Variants in CELSR1 observed in about 807,000 individuals in gnomAD.
CELSR1 encodes the protein adhesion G protein-coupled receptor C1.
Under a neutral mutation model 249.1 loss-of-function variants are expected in CELSR1, and 110 were observed. The ratio of observed to expected loss-of-function variants is 0.44; its 90% CI spans 0.38 to 0.52. CELSR1 has a LOEUF of 0.52. CELSR1 is among the 20% of genes least tolerant of loss of function. The pLI is 0.00. For synonymous variants in CELSR1, 2,113 were observed against 1,900.0 expected (o/e 1.11, Z -2.92); for missense variants, 4,109 against 4,296.4 (o/e 0.96, Z 1.22).
In CELSR1 at chr22:46,390,015, A is replaced by T. The variant is rs1053984609; in HGVS notation, c.6345+377T>A. The stretch of plus-strand genomic sequence containing the variant: ...CACTGCTGACAGCTAGACCATGGAA[A>T]CGAGGGTCTGGTGGGCCAAAGAGGG... On this transcript the variant is annotated intron_variant, in intron 17 of 34. Transcript: ENST00000674500. The surrounding 1 kb of genome is among the most constrained non-coding windows in gnomAD (Gnocchi z 6.3). 6.6e-6 allele frequency among the ~76,000 whole-genome samples: 1 copy of T among 152,220 alleles called. No individual in the cohort carries two copies. Among genetic ancestry groups the T allele is most frequent in the Admixed American group, 6.5e-5 (1 of 15,282 alleles).
chr22:46,365,723 T>C (rs2078762477), intron 30 of CELSR1, 34 bp from the exon 31 acceptor site: 1 of 1,509,854 alleles, frequency 6.6e-7, no homozygotes, highest in Middle Eastern at 1.7e-4. Context: ...CTCAGTATCA[T>C]CCGTCAGGGA....
Position 46,386,522 on chromosome 22 carries a change from G to C in CELSR1, c.6619C>G (p.Gln2207Glu), listed in dbSNP as rs752153546. 6.3e-7 allele frequency: 1 copy of C among 1,598,094 alleles called. No homozygotes were observed. Among genetic ancestry groups the C allele is most frequent in the Non-Finnish European group, 8.5e-7 (1 of 1,173,542 alleles). ...PATRAAWEQI[Q>E]RSEGGTAQLL... ...TGTGCCGTGCCGCCCTCGCTCCGCT[G>C]GATCTGCTCCCACGCCGCCCTGGTG... Residue 2207 changes from glutamine (Q) to glutamate (E), a missense_variant, in exon 19 of 35, where the codon CAG (glutamine) becomes GAG (glutamate). By Grantham distance (29) the Gln-to-Glu change is conservative (BLOSUM62 2). Coordinates refer to ENST00000674500, the MANE Select transcript of CELSR1 (RefSeq NM_001378328.1).
intron 1 of CELSR1, among the ~76,000 whole-genome samples, chr22:46,467,368 C>T (rs2080107757): frequency 2.0e-5 from 3 of 152,068 alleles, no homozygotes; most frequent in Non-Finnish European, 4.4e-5. Flanking sequence ...ATGCACAACC[C>T]AATTAGAGAA....
intron 24 of CELSR1, 111 bp from the exon 25 acceptor site, chr22:46,373,168 T>G: frequency 8.6e-7 from 1 of 1,167,316 alleles, no homozygotes; most frequent in Non-Finnish European, 1.2e-6. Flanking sequence ...CCACCCTATG[T>G]GTCTGTCCTC....
In CELSR1 at chr22:46,535,069, G is replaced by A. The variant is rs931619079; in HGVS notation, c.2102C>T (p.Ala701Val). The A allele has an allele frequency of 6.2e-7, 1 of 1,612,448 alleles. No homozygotes were observed. Among genetic ancestry groups the A allele is most frequent in the Non-Finnish European group, 8.5e-7 (1 of 1,179,974 alleles). The change falls in exon 1 of 35, where the codon GCC becomes GTC. Residue 701 changes from alanine to valine, a missense_variant. Coordinates refer to ENST00000674500, the MANE Select transcript of CELSR1 (RefSeq NM_001378328.1). ...TYELRLNEDA[A>V]VGSSVLTLQA... is the part of the protein sequence containing the mutation. ...CAGGGTCAGCACGCTGCTCCCCACG[G>A]CCGCATCCTCATTCAGACGAAGCTC...
Position 46,361,412 on chromosome 22 carries a change from G to A in CELSR1, c.*1811C>T, listed in dbSNP as rs1363540578. ...TCGTGATGTTGGCTGTGGAGTACGTGGAAAAAAATAGAACAAAAAAATTAC... is the reference window on the plus strand; with the variant it reads ...TCGTGATGTTGGCTGTGGAGTACGTAGAAAAAAATAGAACAAAAAAATTAC... On this transcript the variant is annotated 3_prime_UTR_variant, in exon 35 of 35. Coordinates refer to ENST00000674500, the MANE Select transcript of CELSR1 (RefSeq NM_001378328.1). The A allele has an allele frequency of 6.6e-6, 1 of 152,106 alleles. No homozygotes were observed. The highest frequency in any genetic ancestry group is 1.9e-4 in the East Asian group (1 of 5,192). The allele number at this position is 152,106 out of a possible 1,614,324, so 9.4% of individuals were successfully genotyped here. A position where few individuals can be genotyped will look rare whatever the true frequency, so the allele number is the denominator to read the frequency against.
intron 18 of CELSR1, among the ~76,000 whole-genome samples, chr22:46,387,841 T>C (rs1294703884): frequency 6.6e-6 from 1 of 152,070 alleles, no homozygotes; most frequent in Non-Finnish European, 1.5e-5. Context: ...CCCCTGGTTA[T>C]TACATCAGAA....
intron 1 of CELSR1, among the ~76,000 whole-genome samples, chr22:46,519,520 C>G (rs1314712301): frequency 6.6e-6 from 1 of 152,226 alleles, no homozygotes; most frequent in East Asian, 1.9e-4. Flanking sequence ...CAGCCGCCCA[C>G]TACAGCTCAC....
intron 25 of CELSR1, among the ~76,000 whole-genome samples, chr22:46,371,654 C>T (rs1199816624): frequency 4.6e-5 from 7 of 151,466 alleles, no homozygotes; most frequent in Non-Finnish European, 1.5e-5. Context: ...CATCCACCCA[C>T]TCATCTCTCC....
chr22:46,484,724 G>A lies in CELSR1; in HGVS notation c.3545-20379C>T, dbSNP rs532708513. On this transcript the variant is annotated intron_variant, in intron 1 of 34. Transcript: ENST00000674500. The surrounding 1 kb of genome is among the most constrained non-coding windows in gnomAD (Gnocchi z 4.5). Reference sequence around the variant, plus strand: ...TGGAGTGAGCGCTCACAGGGACCCCGCCCAGGTGCTGGGGAGGTCCGGCTG... The same window carrying A: ...TGGAGTGAGCGCTCACAGGGACCCCACCCAGGTGCTGGGGAGGTCCGGCTG... 7.2e-6 allele frequency among the ~76,000 whole-genome samples: 1 copy of A among 139,606 alleles called. No individual in the cohort carries two copies. Among genetic ancestry groups the A allele is most frequent in the Non-Finnish European group, 1.5e-5 (1 of 65,008 alleles). 91.6% of individuals were successfully genotyped at this position (139,606 alleles called of 152,430 possible).
chr22:46,381,066 G>A lies in CELSR1; in HGVS notation c.7089-111C>T, dbSNP rs186245706. On this transcript the variant is annotated intron_variant, in intron 21 of 34. Transcript: ENST00000674500. The surrounding 1 kb of genome is among the most constrained non-coding windows in gnomAD (Gnocchi z 6.0). ...CCATGATGTGTTTCTAGGGGAGACA[G>A]AATCACACTCCGAGAGCTCGGACCC... The A allele has an allele frequency of 9.3e-6, 11 of 1,184,990 alleles. No individual in the cohort carries two copies. The highest frequency in any genetic ancestry group is 9.2e-5 in the African/African-American group (6 of 65,416). The allele number at this position is 1,184,990 out of a possible 1,614,324, so 73.4% of individuals were successfully genotyped here.
rs750431500 is a variant in CELSR1, at chr22:46,366,531, C to A, written c.8206-51G>T. On this transcript the variant is annotated intron_variant, in intron 29 of 34. Transcript: ENST00000674500. Reference sequence around the variant, plus strand: ...CTGCCAAGTGGTGGCCACCACATGACCACCACGGGGAATGACTCTGTCCCC... The same window carrying A: ...CTGCCAAGTGGTGGCCACCACATGAACACCACGGGGAATGACTCTGTCCCC... The A allele has an allele frequency of 3.6e-6, 5 of 1,382,076 alleles. No homozygotes were observed. The African/African-American group carries it at 5.8e-5, about 16-fold the overall frequency. The allele number at this position is 1,382,076 out of a possible 1,614,324, so 85.6% of individuals were successfully genotyped here.
chr22:46,368,058 C>T (rs572602519), intron 27 of CELSR1, among the ~76,000 whole-genome samples: 8 of 152,270 alleles, frequency 5.3e-5, no homozygotes, highest in East Asian at 1.9e-4. Context: ...AGACAGAGCT[C>T]GTGTTAGTGG....
Position 46,401,533 on chromosome 22 carries a change from TCA to T in CELSR1, c.5227-1633_5227-1632del, listed in dbSNP as rs1260407316. On this transcript the variant is annotated intron_variant, in intron 9 of 34. Coordinates refer to ENST00000674500, the MANE Select transcript of CELSR1 (RefSeq NM_001378328.1). The surrounding 1 kb of genome is among the most constrained non-coding windows in gnomAD (Gnocchi z 4.7). Reference sequence around the variant, plus strand: ...GACACAGTGGAGGCTGAGCGTGCAGTCAGGTCACGGCTGCCAGGTACCTGAAA... The same window carrying T: ...GACACAGTGGAGGCTGAGCGTGCAGTGGTCACGGCTGCCAGGTACCTGAAA... 1.3e-5 allele frequency among the ~76,000 whole-genome samples: 2 copies of T among 152,130 alleles called. No individual in the cohort carries two copies. The highest frequency in any genetic ancestry group is 2.9e-5 in the Non-Finnish European group (2 of 68,006).
rs1441121132 is a variant in CELSR1, at chr22:46,380,748, T to C, written c.7256+40A>G. On this transcript the variant is annotated intron_variant, in intron 22 of 34. Coordinates refer to ENST00000674500, the MANE Select transcript of CELSR1 (RefSeq NM_001378328.1). The surrounding 1 kb of genome is among the most constrained non-coding windows in gnomAD (Gnocchi z 5.1). ...CCGACCCTGCGGGGGCACTCTGCCT[T>C]GGCAAAGCCCTCACATGGGGCTCCT... The C allele has an allele frequency of 1.3e-6, 2 of 1,599,852 alleles. No individual in the cohort carries two copies. The highest frequency in any genetic ancestry group is 2.2e-5 in the East Asian group (1 of 44,632).
chr22:46,384,006 C>G (rs1183500968), intron 20 of CELSR1, among the ~76,000 whole-genome samples: 1 of 152,028 alleles, frequency 6.6e-6, no homozygotes, highest in African/African-American at 2.4e-5. Context: ...CATATCTCGG[C>G]TCACTACAAC....
intron 1 of CELSR1, among the ~76,000 whole-genome samples, chr22:46,508,547 C>T (rs964679594): frequency 2.0e-5 from 3 of 151,560 alleles, no homozygotes; most frequent in East Asian, 3.9e-4. Context: ...CAAAGGGCCT[C>T]ACTTACTTGC....
In CELSR1 at chr22:46,433,257, G is replaced by C; in HGVS notation, c.4611+136C>G. 5.0e-6 allele frequency: 3 copies of C among 600,740 alleles called. No homozygotes were observed. The highest frequency in any genetic ancestry group is 4.1e-4 in the Middle Eastern group (1 of 2,446). 37.2% of individuals were successfully genotyped at this position (600,740 alleles called of 1,614,324 possible). On this transcript the variant is annotated intron_variant, in intron 5 of 34. Transcript: ENST00000674500. This position sits in a 1 kb window ranked among gnomAD's most constrained non-coding sequence, Gnocchi z 5.7. ...GCCACGTTGGCCAAGCTGGTCTCGA[G>C]CTCCTGACCTCAGGTAATCCACCTG...
intron 1 of CELSR1, among the ~76,000 whole-genome samples, chr22:46,509,188 C>A (rs2080547102): frequency 6.6e-6 from 1 of 152,154 alleles, no homozygotes; most frequent in Admixed American, 6.5e-5. Context: ...TAGAGAGTCC[C>A]CAAGATGGCC....
Sources: allele counts gnomAD v4.1 joint callset (sites outside exome capture counted in the v4.1 genomes callset), GRCh38; gene constraint gnomAD v4.1.1; non-coding constraint Gnocchi (gnomAD v3.1); transcripts MANE v1.5; gene names NCBI Gene and HGNC (gene_info 2026-07-23, HGNC 2026-07-21).